Variants in LYPLA1 observed in about 807,000 individuals in gnomAD.
LYPLA1 encodes the protein lysophospholipase 1.
LYPLA1 carries 17 observed loss-of-function variants against 34.0 expected under a neutral mutation model. The observed-to-expected ratio is 0.50, with a 90% CI of 0.34 to 0.75. LYPLA1 has a LOEUF of 0.75. Ranked by LOEUF, LYPLA1 falls within the 30% of genes least tolerant of loss-of-function variation. The pLI is 0.01. For synonymous variants in LYPLA1, 98 were observed against 100.8 expected (o/e 0.97, Z 0.17); for missense variants, 203 against 288.8 (o/e 0.70, Z 2.15).
At chr8:54,082,727 G>A (rs1808409352) in intron 2 of LYPLA1, among the ~76,000 whole-genome samples, 2 of 152,092 alleles carry the variant, frequency 1.3e-5, no homozygotes, top group African/African-American at 2.4e-5. Context: ...TCATGGTACA[G>A]TCTTTCTTTC....
At chr8:54,082,659 T>A (rs567998566) in intron 2 of LYPLA1, among the ~76,000 whole-genome samples, 104 of 152,350 alleles carry the variant, frequency 6.8e-4, no homozygotes, top group African/African-American at 2.3e-3. Flanking sequence ...AATTCTAACT[T>A]ATCAAATATT....
chr8:54,072,471 T>C (rs776778484), intron 2 of LYPLA1, among the ~76,000 whole-genome samples: 5 of 152,148 alleles, frequency 3.3e-5, no homozygotes, highest in Non-Finnish European at 7.4e-5. Flanking sequence ...GAAGAAAATA[T>C]ATGCAAACTG....
chr8:54,084,924 G>T (rs1808593246), intron 2 of LYPLA1, among the ~76,000 whole-genome samples: 3 of 152,086 alleles, frequency 2.0e-5, no homozygotes, highest in South Asian at 4.1e-4. Context: ...AGTACCACAT[G>T]GCTTCAAGGT....
At chr8:54,091,605 G>GAAAGAAAGAA (rs1809287465) in intron 2 of LYPLA1, among the ~76,000 whole-genome samples, 1 of 150,942 alleles carries the variant, frequency 6.6e-6, no homozygotes. Context: ...AGGAAGGAAG[G>GAAAGAAAGAA]AAGGAAGGAA....
chr8:54,081,083 T>C (rs997005865), intron 2 of LYPLA1, among the ~76,000 whole-genome samples: 2 of 152,206 alleles, frequency 1.3e-5, no homozygotes, highest in East Asian at 1.9e-4. Flanking sequence ...GTATGGACTT[T>C]ATAGTTCAAA....
intron 2 of LYPLA1, among the ~76,000 whole-genome samples, chr8:54,084,402 C>A (rs1005754851): frequency 7.9e-5 from 12 of 151,852 alleles, no homozygotes; most frequent in Non-Finnish European, 1.2e-4. Context: ...GAAACCCCAT[C>A]TCTACCCAAA....
intron 1 of LYPLA1, 189 bp downstream of exon 1, chr8:54,101,566 G>C (rs927787769): frequency 1.7e-6 from 2 of 1,150,132 alleles, no homozygotes; most frequent in Non-Finnish European, 2.1e-6. Context: ...CCCTCGCGCC[G>C]GCTGTGACCC....
intron 2 of LYPLA1, among the ~76,000 whole-genome samples, chr8:54,089,628 CTT>C (rs879905074): frequency 1.8e-4 from 26 of 142,242 alleles, no homozygotes; most frequent in East Asian, 2.1e-4. Context: ...TTGCCAACCT[CTT>C]TTTTTTTTTT....
At chr8:54,094,224 C>T (rs961991091) in intron 2 of LYPLA1, among the ~76,000 whole-genome samples, 3 of 152,162 alleles carry the variant, frequency 2.0e-5, no homozygotes, top group Non-Finnish European at 4.4e-5. Context: ...TGGAATACAT[C>T]GGGGCTGGGG....
intron 2 of LYPLA1, among the ~76,000 whole-genome samples, chr8:54,083,194 C>T (rs1238360675): frequency 6.6e-6 from 1 of 152,096 alleles, no homozygotes; most frequent in Non-Finnish European, 1.5e-5. Flanking sequence ...AAATTGAAGA[C>T]ACCTCAGATA....
chr8:54,083,489 TCA>T (rs1262676926), intron 2 of LYPLA1, among the ~76,000 whole-genome samples: 1 of 152,138 alleles, frequency 6.6e-6, no homozygotes, highest in East Asian at 1.9e-4. Context: ...CATCTGTATA[TCA>T]AGAAATATTA....
At chr8:54,070,995 G>A (rs1306122637) in intron 2 of LYPLA1, among the ~76,000 whole-genome samples, 1 of 152,154 alleles carries the variant, frequency 6.6e-6, no homozygotes, top group Non-Finnish European at 1.5e-5. Context: ...TGAGTGAATT[G>A]TGTGGTATAT....
At chr8:54,089,267 A>T (rs1005909091) in intron 2 of LYPLA1, among the ~76,000 whole-genome samples, 3 of 152,172 alleles carry the variant, frequency 2.0e-5, no homozygotes, top group Non-Finnish European at 2.9e-5. Context: ...CTTTCTGTGG[A>T]TTCAGTTACC....
At chr8:54,054,462 T>C (rs1806063123) in intron 6 of LYPLA1, 1 of 151,940 alleles carries the variant, frequency 6.6e-6, no homozygotes, top group Non-Finnish European at 1.5e-5. Flanking sequence ...CTAATTAAGG[T>C]AATCCAAACA....
At chr8:54,077,197 T>C (rs992010144) in intron 2 of LYPLA1, among the ~76,000 whole-genome samples, 1 of 151,766 alleles carries the variant, frequency 6.6e-6, no homozygotes, top group African/African-American at 2.4e-5. Context: ...TGCAGCAACA[T>C]GGATGGAACT....
At chr8:54,083,819 T>G (rs1348267070) in intron 2 of LYPLA1, among the ~76,000 whole-genome samples, 1 of 152,182 alleles carries the variant, frequency 6.6e-6, no homozygotes, top group Non-Finnish European at 1.5e-5. Context: ...TGGAAATGTA[T>G]AGCTGTAGAC....
rs375134683 is a variant in LYPLA1 at position 54,048,133 on chromosome 8, G to C, written c.640-15C>G. On this transcript the variant is annotated splice_polypyrimidine_tract_variant and intron_variant, in intron 8 of 8. Transcript: ENST00000316963. ...TCCATCATTTCCTGTTTGGAATAAA[G>C]TAATTTAATAGGTAGGTAGTTATGT... 23 of 1,550,840 alleles carry C rather than the reference G, an allele frequency of 1.5e-5. No individual in the cohort carries two copies. In the African/African-American group the frequency reaches 2.8e-4, roughly 19 times the overall value.
chr8:54,101,336 A>G, intron 1 of LYPLA1: 1 of 1,075,730 alleles, frequency 9.3e-7, no homozygotes, highest in Non-Finnish European at 1.1e-6. Flanking sequence ...TTTCTAAAAA[A>G]CAGTACGTCT....
At chr8:54,100,656 C>T (rs1439799443) in intron 2 of LYPLA1, 1 of 464,594 alleles carries the variant, frequency 2.2e-6, no homozygotes, top group East Asian at 4.3e-5. Flanking sequence ...ATCCAATACC[C>T]AAAGCAACTA....
Sources: allele counts gnomAD v4.1 joint callset (sites outside exome capture counted in the v4.1 genomes callset), GRCh38; gene constraint gnomAD v4.1.1; transcripts MANE v1.5; gene names NCBI Gene and HGNC (gene_info 2026-07-23, HGNC 2026-07-21).